Variants in PRSS55 observed in about 807,000 individuals in gnomAD.
PRSS55 encodes probable serine protease UNQ9391/PRO34284.
In PRSS55, 41 loss-of-function variants were observed where a neutral mutation model predicts 23.6. That is an observed-to-expected ratio of 1.74 (90% CI 1.35 to 2.26). The LOEUF is 2.26. PRSS55 is among the 30% of genes most tolerant of loss of function. The probability of loss-of-function intolerance (pLI) is 0.00; values close to 1 mark genes in which losing one functional copy is unlikely to be tolerated. For missense variants in PRSS55, 669 were observed against 439.1 expected, an observed-to-expected ratio of 1.52 and a Z score of -4.68; for synonymous variants, 262 against 175.5, an observed-to-expected ratio of 1.49 and a Z score of -3.90.
intron 4 of PRSS55, among the ~76,000 whole-genome samples, chr8:10,534,023 C>G (rs1185592804): frequency 2.6e-5 from 4 of 152,086 alleles, no homozygotes; most frequent in Admixed American, 1.3e-4. Context: ...CAGCATAGCA[C>G]TAGGTTTAGG....
At chr8:10,527,371 G>T (rs1446159406) in intron 1 of PRSS55, among the ~76,000 whole-genome samples, 3 of 152,192 alleles carry the variant, frequency 2.0e-5, no homozygotes, top group Non-Finnish European at 2.9e-5. Flanking sequence ...ATTCAATCAG[G>T]GAATCAGCCC....
intron 1 of PRSS55, among the ~76,000 whole-genome samples, chr8:10,527,394 C>T (rs1812068151): frequency 6.6e-6 from 1 of 152,354 alleles, no homozygotes; most frequent in Middle Eastern, 3.4e-3. Flanking sequence ...AAGCATGTTG[C>T]CCTCTCCATC....
At chr8:10,527,646 C>T (rs906217518) in intron 1 of PRSS55, among the ~76,000 whole-genome samples, 3 of 152,214 alleles carry the variant, frequency 2.0e-5, no homozygotes, top group Non-Finnish European at 4.4e-5. Flanking sequence ...AGCCACATGG[C>T]GCAGTGGTGA....
chr8:10,544,937 A>G lies in PRSS55; in HGVS notation c.742-9006A>G, dbSNP rs187979880. The G allele has an allele frequency of 4.1e-5, 31 of 762,940 alleles. No homozygotes were observed. In the East Asian group the frequency reaches 3.5e-3, roughly 86 times the overall value. 47.3% of individuals were successfully genotyped at this position (762,940 alleles called of 1,614,324 possible). On this transcript the variant is annotated intron_variant, in intron 4 of 4. Coordinates refer to the PRSS55 transcript ENST00000522210. ...TTTAAGAGAAGAAAGGAGATAAAGT[A>G]TGTATTTATAGAATTTTTATATTAA...
At chr8:10,525,908 T>A (rs930336770) in intron 1 of PRSS55, among the ~76,000 whole-genome samples, 169 bp downstream of exon 1, 5 of 152,202 alleles carry the variant, frequency 3.3e-5, no homozygotes, top group Non-Finnish European at 5.9e-5. Context: ...GTGTTTGACT[T>A]GTCTAACCCT....
At chr8:10,533,618 AG>A (rs1400861314) in intron 4 of PRSS55, among the ~76,000 whole-genome samples, 8 of 152,208 alleles carry the variant, frequency 5.3e-5, no homozygotes, top group Non-Finnish European at 7.3e-5. Context: ...CCAGAAAAAT[AG>A]AAAAAAAATC....
At chr8:10,534,291 C>T (rs1812378856) in intron 4 of PRSS55, among the ~76,000 whole-genome samples, 1 of 152,156 alleles carries the variant, frequency 6.6e-6, no homozygotes, top group Non-Finnish European at 1.5e-5. Context: ...AGAAAGTGGC[C>T]TGGCTGGAGA....
intron 3 of PRSS55, 116 bp from the exon 4 acceptor site, chr8:10,532,790 G>A (rs929996956): frequency 7.5e-7 from 1 of 1,324,972 alleles, no homozygotes; most frequent in Non-Finnish European, 1.0e-6. Context: ...TGCAGAGCCT[G>A]TGAAGGAAGG....
At chr8:10,539,021 C>A (rs1812559819), downstream of PRSS55, among the ~76,000 whole-genome samples, 1 of 151,128 alleles carries the variant, frequency 6.6e-6, no homozygotes, top group South Asian at 2.1e-4. Flanking sequence ...CTGAATTCAG[C>A]CAAAATGAGG....
At chr8:10,554,049 C>A in exon 5 of PRSS55, 6 of 1,496,878 alleles carry the variant, frequency 4.0e-6, no homozygotes, top group Non-Finnish European at 5.3e-6. Flanking sequence ...GCTCTTTCTT[C>A]TACATGGAGC....
In PRSS55 at chr8:10,544,360, T is replaced by C. The variant is rs185256196; in HGVS notation, c.742-9583T>C. ...ATATCAGCTCTTTCATCATTATCAT[T>C]TGCATAGTTTATCTGTTTCTTTTTA... On this transcript the variant is annotated intron_variant, in intron 4 of 4. Transcript: ENST00000522210. Among the ~76,000 whole-genome samples, 27 of 152,162 alleles carry C rather than the reference T, an allele frequency of 1.8e-4. No homozygotes were observed. The East Asian group carries it at 4.8e-3, about 27-fold the overall frequency.
Position 10,525,533 on chromosome 8 carries a change from C to G in PRSS55, c.-53C>G. The stretch of plus-strand genomic sequence containing the variant: ...TCTGAGCTGGAGGCTCTCAGCCTCA[C>G]TGCCTCAGCCCTGGCCTCTGTCACC... On this transcript the variant is annotated 5_prime_UTR_variant, in exon 1 of 5. Coordinates refer to ENST00000328655, the MANE Select transcript of PRSS55 (RefSeq NM_198464.4). The G allele has an allele frequency of 6.3e-7, 1 of 1,576,600 alleles. No individual in the cohort carries two copies. The highest frequency in any genetic ancestry group is 1.3e-5 in the African/African-American group (1 of 74,532).
At chr8:10,525,821 A>G (rs912123587) in intron 1 of PRSS55, 82 bp downstream of exon 1, 4 of 1,438,180 alleles carry the variant, frequency 2.8e-6, no homozygotes, top group Non-Finnish European at 3.7e-6. Context: ...CGCAGAGCAC[A>G]AGGCCAGAGC....
At chr8:10,530,606 C>T (rs1189642373) in intron 2 of PRSS55, among the ~76,000 whole-genome samples, 3 of 152,214 alleles carry the variant, frequency 2.0e-5, no homozygotes, top group East Asian at 3.8e-4. Context: ...TGCTCACCCA[C>T]AGTACCCATC....
intron 4 of PRSS55, among the ~76,000 whole-genome samples, chr8:10,537,802 C>A (rs1222497662): frequency 6.6e-6 from 1 of 152,134 alleles, no homozygotes; most frequent in African/African-American, 2.4e-5. Flanking sequence ...TACCATAGAA[C>A]CCTCAGCAAG....
At chr8:10,550,218 C>T (rs914036052) in intron 4 of PRSS55, among the ~76,000 whole-genome samples, 7 of 152,180 alleles carry the variant, frequency 4.6e-5, no homozygotes, top group Admixed American at 3.3e-4. Context: ...CCATTGCGCC[C>T]GGCCCACAGG....
At chr8:10,526,626 C>A (rs768694271) in intron 1 of PRSS55, among the ~76,000 whole-genome samples, 1 of 152,234 alleles carries the variant, frequency 6.6e-6, no homozygotes, top group Non-Finnish European at 1.5e-5. Flanking sequence ...CTGGCATGAA[C>A]CTGAAAGTCA....
intron 4 of PRSS55, chr8:10,545,088 G>C: frequency 1.2e-6 from 1 of 842,986 alleles, no homozygotes; most frequent in South Asian, 5.4e-5. Context: ...TTTGGTTTTT[G>C]GTTTTGCTTC....
chr8:10,544,293 A>G (rs750705321), intron 4 of PRSS55, among the ~76,000 whole-genome samples: 51 of 152,112 alleles, frequency 3.4e-4, no homozygotes, highest in Non-Finnish European at 5.9e-4. Flanking sequence ...TCTCTAATGA[A>G]TTTTTTGTTT....
Sources: allele counts gnomAD v4.1 joint callset (sites outside exome capture counted in the v4.1 genomes callset), GRCh38; gene constraint gnomAD v4.1.1; transcripts MANE v1.5; gene names NCBI Gene and HGNC (gene_info 2026-07-23, HGNC 2026-07-21).